The following PECR variants were observed in gnomAD, a reference collection of about 807,000 sequenced individuals.
The protein encoded by PECR is 2,4-dienoyl-CoA reductase-related protein.
In PECR, 30 loss-of-function variants were observed where a neutral mutation model predicts 35.3. That is an observed-to-expected ratio of 0.85 (90% CI 0.64 to 1.15). PECR has a LOEUF of 1.15. PECR is among the 50% of genes most tolerant of loss of function. The pLI is 0.00. For synonymous variants in PECR, 148 were observed against 138.9 expected (o/e 1.07, Z -0.46); for missense variants, 392 against 370.8 (o/e 1.06, Z -0.47).
In PECR at chr2:216,044,010, G is replaced by A. The variant is rs1331287485; in HGVS notation, c.720C>T (p.Ser240=). Residue 240 remains serine, a synonymous_variant, in exon 7 of 8, where the codon TCC becomes TCT. Transcript: ENST00000265322. The part of the protein sequence containing the change: ...AKRIGVPEEV[S]SVVCFLLSPA... ...GAGACAGTAGGAAGCAGACCACAGAGGAGACCTGGAAACAGAAACACACAT... is the reference window on the plus strand; with the variant it reads ...GAGACAGTAGGAAGCAGACCACAGAAGAGACCTGGAAACAGAAACACACAT... 1.3e-6 allele frequency: 2 copies of A among 1,576,558 alleles called. No individual in the cohort carries two copies. The highest frequency in any genetic ancestry group is 2.2e-5 in the South Asian group (2 of 90,284).
At chr2:216,059,053 G>A in intron 3 of PECR, 77 bp from the exon 4 acceptor site, 1 of 855,038 alleles carries the variant, frequency 1.2e-6, no homozygotes, top group Non-Finnish European at 2.0e-6. Context: ...TCAGCACACT[G>A]CCTGTTTGAT....
chr2:216,031,854 T>C (rs1653637197), intron 7 of PECR, among the ~76,000 whole-genome samples: 1 of 152,206 alleles, frequency 6.6e-6, no homozygotes, highest in African/African-American at 2.4e-5. Context: ...CAGCAAGTCT[T>C]ACCTACCTGA....
chr2:216,072,080 G>C (rs1695600432), intron 1 of PECR, among the ~76,000 whole-genome samples: 1 of 152,162 alleles, frequency 6.6e-6, no homozygotes, highest in African/African-American at 2.4e-5. Context: ...GCCCAGGCTG[G>C]ATTGCAGTGG....
chr2:216,069,500 G>A (rs370092072), intron 1 of PECR, among the ~76,000 whole-genome samples: 12 of 152,306 alleles, frequency 7.9e-5, no homozygotes, highest in East Asian at 7.7e-4. Flanking sequence ...AAAGGGGAAT[G>A]CGTGACACTG....
intron 1 of PECR, among the ~76,000 whole-genome samples, chr2:216,069,537 C>T (rs1478086816): frequency 1.3e-5 from 2 of 152,124 alleles, no homozygotes; most frequent in Non-Finnish European, 2.9e-5. Context: ...TACAGAAAGC[C>T]AAAAGATCTT....
At chr2:216,047,718 C>T (rs1695022802) in intron 6 of PECR, among the ~76,000 whole-genome samples, 1 of 151,894 alleles carries the variant, frequency 6.6e-6, no homozygotes, top group Admixed American at 6.6e-5. Flanking sequence ...GGGTAATCCT[C>T]CCATTATTCA....
chr2:216,044,995 T>C (rs1427314873), intron 6 of PECR, among the ~76,000 whole-genome samples: 1 of 152,158 alleles, frequency 6.6e-6, no homozygotes, highest in Non-Finnish European at 1.5e-5. Context: ...GGTCCCAGAA[T>C]CTGCAGTTTA....
intron 1 of PECR, among the ~76,000 whole-genome samples, chr2:216,078,851 T>C (rs1470583401): frequency 6.6e-6 from 1 of 152,112 alleles, no homozygotes; most frequent in Non-Finnish European, 1.5e-5. Context: ...CCAATGCATA[T>C]TTATGCAACA....
chr2:216,033,250 T>C (rs1303768240), intron 7 of PECR, among the ~76,000 whole-genome samples: 1 of 152,212 alleles, frequency 6.6e-6, no homozygotes, highest in African/African-American at 2.4e-5. Flanking sequence ...TAAGTTGGAA[T>C]ATTTTAAAGT....
intron 1 of PECR, among the ~76,000 whole-genome samples, chr2:216,078,446 C>A (rs373045981): frequency 6.6e-6 from 1 of 152,038 alleles, no homozygotes; most frequent in East Asian, 1.9e-4. Context: ...GCCTGGCCAA[C>A]GTGGTAAAAC....
intron 5 of PECR, 145 bp downstream of exon 5, chr2:216,051,299 AAAAAG>A: frequency 3.3e-5 from 21 of 627,050 alleles, no homozygotes; most frequent in Admixed American, 8.6e-5. Context: ...AAAAAAAAAA[AAAAAG>A]AAAATTAGGC....
rs1219074422 is a variant in PECR, at chr2:216,030,956, TCACA to T, written c.*440+8231_*440+8234del. Among the ~76,000 whole-genome samples the T allele has an allele frequency of 5.3e-3, 604 of 113,366 alleles. 8 individuals carry two copies. The highest frequency in any genetic ancestry group is 0.017 in the East Asian group (72 of 4,220). The allele number at this position is 113,366 out of a possible 152,430, so 74.4% of individuals were successfully genotyped here. Reference sequence around the variant, plus strand: ...CTCTCTCTCTCTCTCTCTCTCTCTCTCACACACACACACACACACACACACACAC... The same window carrying T: ...CTCTCTCTCTCTCTCTCTCTCTCTCTCACACACACACACACACACACACAC... On this transcript the variant is annotated intron_variant and NMD_transcript_variant, in intron 7 of 7. Coordinates refer to the PECR transcript ENST00000442122.
intron 4 of PECR, among the ~76,000 whole-genome samples, chr2:216,056,994 G>C (rs376676728): frequency 6.6e-6 from 1 of 151,828 alleles, no homozygotes; most frequent in Non-Finnish European, 1.5e-5. Flanking sequence ...CTAGCCAACC[G>C]AATATCAGAA....
At chr2:216,054,114 GT>G (rs1478783811) in intron 4 of PECR, among the ~76,000 whole-genome samples, 3 of 151,598 alleles carry the variant, frequency 2.0e-5, no homozygotes, top group Non-Finnish European at 2.9e-5. Flanking sequence ...GTGAAACCCC[GT>G]TTCTACTAAA....
intron 4 of PECR, among the ~76,000 whole-genome samples, chr2:216,052,708 TTTG>T (rs1251333852): frequency 6.6e-6 from 1 of 152,170 alleles, no homozygotes; most frequent in Middle Eastern, 3.2e-3. Context: ...TGTACTGGGG[TTTG>T]TTGAGCTTCT....
At chr2:216,052,290 A>G (rs1695130636) in intron 4 of PECR, among the ~76,000 whole-genome samples, 1 of 152,264 alleles carries the variant, frequency 6.6e-6, no homozygotes, top group Admixed American at 6.5e-5. Flanking sequence ...ATGTGAGAAA[A>G]TTAACTTATA....
intron 6 of PECR, among the ~76,000 whole-genome samples, chr2:216,048,992 T>C (rs1469295460): frequency 6.6e-6 from 1 of 152,074 alleles, no homozygotes; most frequent in Non-Finnish European, 1.5e-5. Flanking sequence ...ACAAATGCCA[T>C]GTAATAAAAT....
intron 4 of PECR, among the ~76,000 whole-genome samples, chr2:216,055,455 A>G (rs1695207650): frequency 6.6e-6 from 1 of 151,754 alleles, no homozygotes. Context: ...AAAAACAAAA[A>G]AACAAAAAAA....
intron 6 of PECR, among the ~76,000 whole-genome samples, chr2:216,048,449 C>G (rs1421601387): frequency 6.6e-6 from 1 of 150,628 alleles, no homozygotes; most frequent in African/African-American, 2.4e-5. Flanking sequence ...GCGGCTCACA[C>G]ATGTAATCCC....
Sources: allele counts gnomAD v4.1 joint callset (sites outside exome capture counted in the v4.1 genomes callset), GRCh38; gene constraint gnomAD v4.1.1; transcripts MANE v1.5; gene names NCBI Gene and HGNC (gene_info 2026-07-23, HGNC 2026-07-21).